PPP2R3C: variants seen among roughly 807,000 people sequenced by gnomAD.
PPP2R3C encodes protein phosphatase 2 regulatory subunit B''gamma.
Under a neutral mutation model 63.7 loss-of-function variants are expected in PPP2R3C, and 47 were observed. The ratio of observed to expected loss-of-function variants is 0.74; its 90% confidence interval spans 0.58 to 0.94. The LOEUF (loss-of-function observed/expected upper bound fraction) is 0.94. Ranked by LOEUF, PPP2R3C falls within the 40% of genes least tolerant of loss-of-function variation. PPP2R3C has a pLI of 0.00. For missense variants in PPP2R3C, 421 were observed against 518.4 expected (o/e 0.81, Z 1.82); for synonymous variants, 180 against 177.4 (o/e 1.01, Z -0.12).
At chr14:35,110,243 G>A (rs2046507043) in intron 3 of PPP2R3C, 5 of 438,114 alleles carry the variant, frequency 1.1e-5, no homozygotes, top group South Asian at 1.1e-4. Flanking sequence ...GCAGGGCTGG[G>A]ATTTGAACCT....
intron 2 of PPP2R3C, among the ~76,000 whole-genome samples, chr14:35,114,644 A>AT (rs1364489612): frequency 2.6e-5 from 4 of 151,814 alleles, no homozygotes; most frequent in African/African-American, 9.7e-5. Flanking sequence ...TTTTATTTTT[A>AT]TTTTTTTTAA....
In PPP2R3C at chr14:35,110,518, T is replaced by G; in HGVS notation, c.291+7A>C. 1 of 1,580,126 alleles carries G rather than the reference T, an allele frequency of 6.3e-7. No homozygotes were observed. The highest frequency in any genetic ancestry group is 8.7e-7 in the Non-Finnish European group (1 of 1,155,600). On this transcript the variant is annotated splice_region_variant and intron_variant, in intron 3 of 12. Transcript: ENST00000261475. The stretch of plus-strand genomic sequence containing the variant: ...ACATCTAAAGCAACTTTTTGCTTTG[T>G]TCTTACCTGTAATTCTTCATTATCT...
At chr14:35,094,172 A>G (rs570776281) in intron 10 of PPP2R3C, among the ~76,000 whole-genome samples, 1 of 152,060 alleles carries the variant, frequency 6.6e-6, no homozygotes, top group Non-Finnish European at 1.5e-5. Flanking sequence ...ATAATTTACT[A>G]ATGTTTCAGC....
rs188389428 is a variant in PPP2R3C, at chr14:35,117,475, C to T, written c.59-738G>A. 5.7e-3 allele frequency among the ~76,000 whole-genome samples: 861 copies of T among 152,278 alleles called. 9 individuals carry two copies. Among genetic ancestry groups the T allele is most frequent in the African/African-American group, 0.02 (817 of 41,552 alleles). On this transcript the variant is annotated intron_variant, in intron 1 of 12. Transcript: ENST00000261475. Reference sequence around the variant, plus strand: ...CAAGATCACAGATTTTACTTGATCCCTTTCTGAAATCTTAAGCTCAAATAT... The same window carrying T: ...CAAGATCACAGATTTTACTTGATCCTTTTCTGAAATCTTAAGCTCAAATAT...
At chr14:35,108,274 C>T (rs1434001679) in intron 4 of PPP2R3C, 38 bp from the exon 5 acceptor site, 1 of 1,529,986 alleles carries the variant, frequency 6.5e-7, no homozygotes, top group Non-Finnish European at 8.7e-7. Context: ...GATCTGCCAA[C>T]ATAAAAGAAA....
chr14:35,105,198 T>A (rs2046310602), intron 6 of PPP2R3C, among the ~76,000 whole-genome samples: 1 of 151,640 alleles, frequency 6.6e-6, no homozygotes, highest in Non-Finnish European at 1.5e-5. Context: ...AAGGCTTTTT[T>A]TTTTGAGACA....
chr14:35,096,490 C>T lies in PPP2R3C; in HGVS notation c.838+68G>A, dbSNP rs1441944680. The T allele has an allele frequency of 2.9e-6, 4 of 1,403,008 alleles. No individual in the cohort carries two copies. In the African/African-American group the frequency reaches 4.3e-5, roughly 15 times the overall value. The allele number at this position is 1,403,008 out of a possible 1,614,324, so 86.9% of individuals were successfully genotyped here. A position where few individuals can be genotyped will look rare whatever the true frequency, so the allele number is the denominator to read the frequency against. On this transcript the variant is annotated intron_variant, in intron 9 of 12. Transcript: ENST00000261475. The stretch of plus-strand genomic sequence containing the variant: ...AAGGTATATCAGTGTATGTATAAAA[C>T]TGTCCTCTGAACACCAATTTCCTGA...
chr14:35,114,066 A>G (rs2046639028), intron 2 of PPP2R3C, among the ~76,000 whole-genome samples: 1 of 152,190 alleles, frequency 6.6e-6, no homozygotes, highest in African/African-American at 2.4e-5. Context: ...ATAAATGTCA[A>G]TTCCCTTCTC....
chr14:35,098,346 GTTTT>G (rs376634061), intron 7 of PPP2R3C, among the ~76,000 whole-genome samples: 2 of 94,038 alleles, frequency 2.1e-5, no homozygotes, highest in African/African-American at 7.9e-5. Context: ...CGCCTGGCTA[GTTTT>G]TTTTTTTTTT....
intron 2 of PPP2R3C, among the ~76,000 whole-genome samples, chr14:35,114,845 T>C (rs1322516102): frequency 1.3e-5 from 2 of 152,050 alleles, no homozygotes; most frequent in Non-Finnish European, 2.9e-5. Context: ...ATACAAAAAC[T>C]AGCTGGGCGT....
chr14:35,095,834 G>A (rs2045979568), intron 9 of PPP2R3C, among the ~76,000 whole-genome samples: 1 of 128,620 alleles, frequency 7.8e-6, no homozygotes, highest in Non-Finnish European at 1.6e-5. Context: ...CCAGGTAACA[G>A]TGCAAGACTC....
At chr14:35,091,595 G>A (rs558652064) in intron 10 of PPP2R3C, among the ~76,000 whole-genome samples, 7 of 152,114 alleles carry the variant, frequency 4.6e-5, no homozygotes, top group African/African-American at 7.2e-5. Context: ...TCGAACTCCC[G>A]ACCTCAGGTG....
chr14:35,095,269 T>C, intron 9 of PPP2R3C, 85 bp from the exon 10 acceptor site: 1 of 1,370,000 alleles, frequency 7.3e-7, no homozygotes, highest in Non-Finnish European at 1.0e-6. Flanking sequence ...TTTTTCTTGG[T>C]TAATATTTTG....
At chr14:35,108,405 T>TA in intron 4 of PPP2R3C, among the ~76,000 whole-genome samples, 169 bp from the exon 5 acceptor site, 1 of 149,852 alleles carries the variant, frequency 6.7e-6, no homozygotes, top group South Asian at 2.1e-4. Flanking sequence ...TTTTTTTTTT[T>TA]AAAAGAAATG....
At chr14:35,116,145 T>C (rs2138715825) in intron 2 of PPP2R3C, among the ~76,000 whole-genome samples, 1 of 152,210 alleles carries the variant, frequency 6.6e-6, no homozygotes, top group East Asian at 1.9e-4. Context: ...GCTCAAAATG[T>C]TTTATAATAG....
At chr14:35,108,011 CA>C in intron 5 of PPP2R3C, 127 bp downstream of exon 5, 2 of 1,339,258 alleles carry the variant, frequency 1.5e-6, no homozygotes, top group Non-Finnish European at 1.9e-6. Flanking sequence ...ACATCTTGGT[CA>C]AAAGATAAGA....
At chr14:35,098,074 ATAT>A (rs1411639258) in intron 7 of PPP2R3C, among the ~76,000 whole-genome samples, 2 of 152,128 alleles carry the variant, frequency 1.3e-5, no homozygotes, top group South Asian at 2.1e-4. Context: ...TCAAAACGTG[ATAT>A]TATTTTGTAA....
intron 6 of PPP2R3C, among the ~76,000 whole-genome samples, chr14:35,106,890 C>T (rs1222341035): frequency 6.6e-6 from 1 of 151,918 alleles, no homozygotes; most frequent in Admixed American, 6.6e-5. Context: ...TGGTCTCAAA[C>T]TCCCGACCTC....
chr14:35,107,421 C>G (rs2046399631), intron 5 of PPP2R3C, 47 bp from the exon 6 acceptor site: 23 of 1,454,448 alleles, frequency 1.6e-5, no homozygotes, highest in Non-Finnish European at 2.2e-5. Flanking sequence ...ATCTATCCTT[C>G]AGATATGAAA....
Sources: gnomAD v4.1 joint callset for allele counts (sites outside exome capture counted in the v4.1 genomes callset) on GRCh38, gnomAD v4.1.1 for gene constraint, MANE v1.5 for transcripts, NCBI Gene and HGNC (gene_info 2026-07-23, HGNC 2026-07-21) for gene names.